The following FMN2 variants were observed in gnomAD, a reference collection of about 807,000 sequenced individuals.
FMN2 encodes formin-2.
In FMN2, 51 loss-of-function variants were observed where a neutral mutation model predicts 142.3. The observed-to-expected ratio is 0.36, with a 90% CI of 0.29 to 0.45. The LOEUF (loss-of-function observed/expected upper bound fraction) is 0.45, where lower values mean the gene tolerates loss of function less well. Ranked by LOEUF, FMN2 falls within the 20% of genes least tolerant of loss-of-function variation. The pLI is 1.00. For missense variants in FMN2, 1,936 were observed against 2,122.8 expected (o/e 0.91, Z 1.73); for synonymous variants, 882 against 869.8 (o/e 1.01, Z -0.25).
In FMN2 at chr1:240,143,043, T is replaced by C. The variant is rs1663260128; in HGVS notation, c.1782+19698T>C. 33 of 1,497,636 alleles carry C rather than the reference T, an allele frequency of 2.2e-5. No homozygotes were observed. The South Asian group carries it at 3.7e-4, about 17-fold the overall frequency. The allele number at this position is 1,497,636 out of a possible 1,614,324, so 92.8% of individuals were successfully genotyped here. On this transcript the variant is annotated intron_variant, in intron 2 of 17. Transcript: ENST00000319653. ...GGCCACTGGACTCATAAGCTGCCAG[T>C]CACTGTGGTAGGGGCAGAGGGTAAG...
intron 16 of FMN2, chr1:240,471,629 G>A (rs1320605589): frequency 1.3e-5 from 2 of 152,258 alleles, no homozygotes; most frequent in African/African-American, 4.8e-5. Context: ...ACCTGCCTCA[G>A]TCTCCCAAAC....
At chr1:240,121,069 G>A (rs1262572311) in intron 1 of FMN2, among the ~76,000 whole-genome samples, 2 of 152,112 alleles carry the variant, frequency 1.3e-5, no homozygotes, top group Non-Finnish European at 2.9e-5. Flanking sequence ...GCTGAGGCAG[G>A]AGAATCGCTT....
In FMN2 at chr1:240,369,738, G is replaced by A. The variant is rs539861206; in HGVS notation, c.4858+13830G>A. On this transcript the variant is annotated intron_variant, in intron 14 of 17. Transcript: ENST00000319653. Reference sequence around the variant, plus strand: ...ACTCGGGTCCAATTTTTGCTTCTTTGTTTCTAATCTAAATTTTCCCTCAGG... The same window carrying A: ...ACTCGGGTCCAATTTTTGCTTCTTTATTTCTAATCTAAATTTTCCCTCAGG... Among the ~76,000 whole-genome samples the A allele has an allele frequency of 2.0e-5, 3 of 152,150 alleles. No individual in the cohort carries two copies. The East Asian group carries it at 5.8e-4, about 29-fold the overall frequency.
At chr1:240,449,963 ATATTAT>A (rs927838146) in intron 16 of FMN2, among the ~76,000 whole-genome samples, 19 of 152,028 alleles carry the variant, frequency 1.2e-4, no homozygotes, top group South Asian at 4.1e-4. Flanking sequence ...TGTACAATAC[ATATTAT>A]TATTATTATA....
At chr1:240,143,042 G>A (rs1322114732) in intron 2 of FMN2, 2 of 1,494,146 alleles carry the variant, frequency 1.3e-6, no homozygotes, top group Non-Finnish European at 1.9e-6. Context: ...TAAGCTGCCA[G>A]TCACTGTGGT....
At chr1:240,168,675 C>T (rs1457759292) in intron 2 of FMN2, among the ~76,000 whole-genome samples, 1 of 151,384 alleles carries the variant, frequency 6.6e-6, no homozygotes, top group Non-Finnish European at 1.5e-5. Flanking sequence ...AAAGTATTTA[C>T]AATGATTAGG....
intron 7 of FMN2, among the ~76,000 whole-genome samples, chr1:240,280,640 A>G (rs1669363058): frequency 6.6e-6 from 1 of 152,186 alleles, no homozygotes; most frequent in African/African-American, 2.4e-5. Context: ...GACATTTTGC[A>G]GTGCTGGTTT....
intron 7 of FMN2, among the ~76,000 whole-genome samples, chr1:240,282,412 T>G (rs1456648): frequency 0.11 from 16,993 of 152,266 alleles, 1,035 homozygotes; most frequent in South Asian, 0.18. Flanking sequence ...CTAGAGCTTT[T>G]AATCAGAAGA....
chr1:240,399,208 G>A (rs538710744), intron 15 of FMN2, among the ~76,000 whole-genome samples: 50 of 152,240 alleles, frequency 3.3e-4, no homozygotes, highest in African/African-American at 1.1e-3. Context: ...GGTTAAATGA[G>A]TAAAATATGT....
intron 6 of FMN2, among the ~76,000 whole-genome samples, chr1:240,228,938 T>C (rs1381909106): frequency 6.6e-6 from 1 of 152,048 alleles, no homozygotes; most frequent in Non-Finnish European, 1.5e-5. Flanking sequence ...ACTAAAGATA[T>C]ATGGACTGTG....
At chr1:240,161,259 T>A (rs1664265514) in intron 2 of FMN2, among the ~76,000 whole-genome samples, 1 of 151,898 alleles carries the variant, frequency 6.6e-6, no homozygotes, top group Non-Finnish European at 1.5e-5. Flanking sequence ...GGGCCTAGAA[T>A]AAGGAAGATG....
intron 6 of FMN2, among the ~76,000 whole-genome samples, chr1:240,212,045 G>A (rs1373777892): frequency 6.6e-6 from 1 of 152,106 alleles, no homozygotes; most frequent in African/African-American, 2.4e-5. Context: ...GGTCTTGGAA[G>A]CAAAGGAATG....
intron 3 of FMN2, 107 bp from the exon 4 acceptor site, chr1:240,188,100 G>T: frequency 2.0e-6 from 2 of 1,008,848 alleles, no homozygotes; most frequent in Admixed American, 4.4e-5. Flanking sequence ...GATATTTTTT[G>T]GTACTTATGG....
At chr1:240,442,313 G>A (rs1220327858) in intron 16 of FMN2, among the ~76,000 whole-genome samples, 1 of 152,176 alleles carries the variant, frequency 6.6e-6, no homozygotes, top group African/African-American at 2.4e-5. Context: ...ATACCAGGGA[G>A]GAACTCCAAA....
chr1:240,253,847 A>AT (rs946511604), intron 6 of FMN2, among the ~76,000 whole-genome samples: 27 of 151,718 alleles, frequency 1.8e-4, no homozygotes, highest in African/African-American at 6.3e-4. Flanking sequence ...TCTCTGTATG[A>AT]TTTTTTTCAT....
chr1:240,194,946 C>T (rs1665856285), intron 4 of FMN2, among the ~76,000 whole-genome samples: 1 of 81,008 alleles, frequency 1.2e-5, no homozygotes, highest in Non-Finnish European at 2.8e-5. Flanking sequence ...CCTATCTCTA[C>T]ATTTTTTTTT....
At chr1:240,278,090 C>T (rs532495012) in intron 7 of FMN2, among the ~76,000 whole-genome samples, 1 of 152,236 alleles carries the variant, frequency 6.6e-6, no homozygotes, top group East Asian at 1.9e-4. Flanking sequence ...CAATGAACCC[C>T]GATTCCTATT....
intron 14 of FMN2, among the ~76,000 whole-genome samples, chr1:240,360,558 G>C (rs1672427560): frequency 6.6e-6 from 1 of 152,156 alleles, no homozygotes. Context: ...CTATCTTACA[G>C]AGTGTGAAAC....
At chr1:240,220,607 C>T (rs899605785) in intron 6 of FMN2, among the ~76,000 whole-genome samples, 3 of 151,950 alleles carry the variant, frequency 2.0e-5, no homozygotes, top group Admixed American at 6.6e-5. Flanking sequence ...GGAAAGCATT[C>T]GCTAACCTCA....
Sources: allele counts gnomAD v4.1 joint callset (sites outside exome capture counted in the v4.1 genomes callset), GRCh38; gene constraint gnomAD v4.1.1; transcripts MANE v1.5; gene names NCBI Gene and HGNC (gene_info 2026-07-23, HGNC 2026-07-21).